Variants in CAST observed in about 807,000 individuals in gnomAD.
CAST encodes the protein calpastatin, also known as MIR583 host.
In CAST, 76 loss-of-function variants were observed where a neutral mutation model predicts 119.6. The observed-to-expected ratio is 0.64, with a 90% CI of 0.53 to 0.77. The LOEUF (loss-of-function observed/expected upper bound fraction) is 0.77. CAST is among the 30% of genes least tolerant of loss of function. The pLI is 0.00. For missense variants in CAST, 953 were observed against 946.5 expected (o/e 1.01, Z -0.09); for synonymous variants, 319 against 331.6 (o/e 0.96, Z 0.41).
chr5:96,062,397 A>G, the CAST span, among the ~76,000 whole-genome samples: 2 of 152,288 alleles, frequency 1.3e-5, no homozygotes, highest in African/African-American at 4.8e-5. Context: ...TGTGTGTCCA[A>G]GAGACAGAAT....
chr5:96,612,043 G>A (rs753240064), intron 1 of CAST, among the ~76,000 whole-genome samples: 9 of 152,140 alleles, frequency 5.9e-5, no homozygotes, highest in Admixed American at 3.3e-4. Flanking sequence ...GAGTTTCCTT[G>A]AAGAACTAAA....
At chr5:96,506,623 G>A in the CAST span, among the ~76,000 whole-genome samples, 1 of 151,780 alleles carries the variant, frequency 6.6e-6, no homozygotes, top group African/African-American at 2.4e-5. Flanking sequence ...ATGTGGGAAA[G>A]TACTGAGTCA....
the CAST span, chr5:96,392,828 T>C: frequency 1.5e-6 from 1 of 689,594 alleles, no homozygotes; most frequent in East Asian, 2.5e-5. Flanking sequence ...AAGTTGAACT[T>C]CCTGCTTGAG....
the CAST span, among the ~76,000 whole-genome samples, chr5:96,470,297 T>A: frequency 6.6e-6 from 1 of 152,004 alleles, no homozygotes; most frequent in African/African-American, 2.4e-5. Flanking sequence ...GAAAAATATA[T>A]AAAGGTTAGT....
chr5:96,064,849 T>A, the CAST span, among the ~76,000 whole-genome samples: 137 of 152,314 alleles, frequency 9.0e-4, no homozygotes, highest in African/African-American at 3.2e-3. Context: ...GTAACATTTA[T>A]GCTACTATAT....
At chr5:96,498,259 C>T in the CAST span, among the ~76,000 whole-genome samples, 3 of 152,226 alleles carry the variant, frequency 2.0e-5, no homozygotes, top group Admixed American at 2.0e-4. Context: ...GTTTTGGTTA[C>T]TGTAGCTGTG....
chr5:96,660,485 C>A (rs1402926403), upstream of CAST, among the ~76,000 whole-genome samples: 1 of 152,212 alleles, frequency 6.6e-6, no homozygotes, highest in Non-Finnish European at 1.5e-5. Flanking sequence ...AGAATACTCT[C>A]AAGAAATATA....
chr5:96,590,486 A>C (rs1472916861), intron 1 of CAST, among the ~76,000 whole-genome samples: 2 of 152,208 alleles, frequency 1.3e-5, no homozygotes, highest in Non-Finnish European at 2.9e-5. Flanking sequence ...CCCCCAGAGC[A>C]TCTCCTGCCA....
the CAST span, chr5:96,079,036 G>A: frequency 2.3e-6 from 1 of 431,508 alleles, no homozygotes; most frequent in African/African-American, 2.1e-5. Flanking sequence ...AAAACCCCAT[G>A]ATACAAGTTT....
chr5:96,086,163 T>C, the CAST span, among the ~76,000 whole-genome samples: 1 of 152,216 alleles, frequency 6.6e-6, no homozygotes, highest in Non-Finnish European at 1.5e-5. Context: ...ACTGTGTTTT[T>C]TAACTTATAT....
At chr5:96,206,933 A>G in the CAST span, among the ~76,000 whole-genome samples, 2 of 152,148 alleles carry the variant, frequency 1.3e-5, no homozygotes, top group South Asian at 4.1e-4. Flanking sequence ...CTTCCTATCC[A>G]TGAGCATGGA....
chr5:96,407,748 T>C, the CAST span, among the ~76,000 whole-genome samples: 3 of 152,216 alleles, frequency 2.0e-5, no homozygotes, highest in African/African-American at 7.2e-5. Context: ...TGTCCCCTGA[T>C]GTGGTTATAT....
intron 1 of CAST, among the ~76,000 whole-genome samples, chr5:96,612,414 C>T (rs1040552600): frequency 6.6e-5 from 10 of 152,082 alleles, no homozygotes. Context: ...AACAATAACA[C>T]TAAGGACTCC....
At chr5:96,410,855 G>T in the CAST span, 1 of 1,613,950 alleles carries the variant, frequency 6.2e-7, no homozygotes, top group African/African-American at 1.3e-5. Flanking sequence ...AGGGGGATAG[G>T]CCTTGCTGGG....
chr5:96,519,685 C>T, the CAST span, among the ~76,000 whole-genome samples: 1 of 152,172 alleles, frequency 6.6e-6, no homozygotes, highest in African/African-American at 2.4e-5. Context: ...CAGCTCACTG[C>T]AGCTTACATC....
chr5:95,963,725 C>CTCTTTTTTTTTTTTTTTTTTTTTT, the CAST span, among the ~76,000 whole-genome samples: 1 of 129,992 alleles, frequency 7.7e-6, no homozygotes, highest in African/African-American at 3.0e-5. Flanking sequence ...TTCTCTCTCT[C>CTCTTTTTTTTTTTTTTTTTTTTTT]TTTTTTTTTT....
intron 1 of CAST, among the ~76,000 whole-genome samples, chr5:96,587,552 T>G (rs931433677): frequency 2.6e-5 from 4 of 152,210 alleles, no homozygotes; most frequent in African/African-American, 9.7e-5. Flanking sequence ...AAGTGATTGT[T>G]TCTTTAATTT....
At chr5:96,674,882 AT>A (rs1750512635) in intron 1 of CAST, among the ~76,000 whole-genome samples, 1 of 152,238 alleles carries the variant, frequency 6.6e-6, no homozygotes, top group South Asian at 2.1e-4. Flanking sequence ...TGATTTGATC[AT>A]TACCCAATGT....
chr5:96,000,491 T>G, the CAST span, among the ~76,000 whole-genome samples: 2 of 152,234 alleles, frequency 1.3e-5, no homozygotes, highest in African/African-American at 4.8e-5. Flanking sequence ...TTTCATAAAC[T>G]GACATCTGTC....
Sources: gnomAD v4.1 joint callset for allele counts (sites outside exome capture counted in the v4.1 genomes callset) on GRCh38, gnomAD v4.1.1 for gene constraint, MANE v1.5 for transcripts, NCBI Gene and HGNC (gene_info 2026-07-23, HGNC 2026-07-21) for gene names.